Variants in PTPN9 observed in about 807,000 individuals in gnomAD.
PTPN9 encodes the protein tyrosine-protein phosphatase non-receptor type 9.
PTPN9 carries 26 observed loss-of-function variants against 69.8 expected under a neutral mutation model. The observed-to-expected ratio is 0.37, with a 90% CI of 0.27 to 0.52. PTPN9 has a LOEUF of 0.52. PTPN9 is among the 20% of genes least tolerant of loss of function. The pLI, the probability that PTPN9 is intolerant of heterozygous loss-of-function variation, is 0.91. For synonymous variants in PTPN9, 274 were observed against 272.5 expected (o/e 1.01, Z -0.05); for missense variants, 549 against 740.3 (o/e 0.74, Z 3.00).
intron 1 of PTPN9, among the ~76,000 whole-genome samples, chr15:75,543,757 T>C (rs1364576023): frequency 6.6e-6 from 1 of 152,178 alleles, no homozygotes; most frequent in Non-Finnish European, 1.5e-5. Context: ...TAAAACATAT[T>C]AGTTTTATAT....
At chr15:75,566,023 A>T (rs1326993644) in intron 1 of PTPN9, among the ~76,000 whole-genome samples, 2 of 152,198 alleles carry the variant, frequency 1.3e-5, no homozygotes, top group African/African-American at 4.8e-5. Context: ...TGAAAAAGAA[A>T]AGTTTCCTGT....
intron 9 of PTPN9, among the ~76,000 whole-genome samples, chr15:75,474,518 C>G (rs1006327468): frequency 1.5e-5 from 2 of 134,454 alleles, no homozygotes; most frequent in African/African-American, 5.5e-5. Flanking sequence ...GACTCTGTCT[C>G]AAAAAAAAAA....
intron 9 of PTPN9, among the ~76,000 whole-genome samples, chr15:75,475,714 A>C (rs1183350640): frequency 6.6e-6 from 1 of 152,134 alleles, no homozygotes; most frequent in African/African-American, 2.4e-5. Context: ...TGGTTCTACT[A>C]CCCTTATTGC....
intron 4 of PTPN9, among the ~76,000 whole-genome samples, chr15:75,518,361 C>T (rs1468001580): frequency 6.6e-6 from 1 of 150,826 alleles, no homozygotes; most frequent in East Asian, 2.0e-4. Flanking sequence ...GGCGCAGTGG[C>T]TCACGCCTGT....
At chr15:75,536,740 A>C (rs1233943548) in intron 1 of PTPN9, among the ~76,000 whole-genome samples, 1 of 152,166 alleles carries the variant, frequency 6.6e-6, no homozygotes, top group Non-Finnish European at 1.5e-5. Context: ...AAAAGATTCA[A>C]TAGAGATCTT....
intron 7 of PTPN9, among the ~76,000 whole-genome samples, chr15:75,500,409 C>T (rs1258419797): frequency 6.6e-6 from 1 of 151,988 alleles, no homozygotes; most frequent in Non-Finnish European, 1.5e-5. Context: ...TGTGGTGGCA[C>T]ACACCTGTAA....
intron 1 of PTPN9, among the ~76,000 whole-genome samples, chr15:75,563,033 A>G (rs1410059897): frequency 6.6e-6 from 1 of 152,098 alleles, no homozygotes; most frequent in African/African-American, 2.4e-5. Context: ...TTTGTTACCC[A>G]GGTAATAAGC....
In PTPN9 at chr15:75,579,132, G is replaced by A. The variant is rs1008998708; in HGVS notation, c.-356C>T. 1 of 156,664 alleles carries A rather than the reference G, an allele frequency of 6.4e-6. No homozygotes were observed. The highest frequency in any genetic ancestry group is 2.4e-5 in the African/African-American group (1 of 41,770). The allele number at this position is 156,664 out of a possible 1,614,324, so 9.7% of individuals were successfully genotyped here. ...GAACTTTTAGAGCCGGGAGCGAAGG[G>A]TCGGCGGAAATTTCCCGAAGGCCGC... On this transcript the variant is annotated 5_prime_UTR_variant, in exon 1 of 13. Transcript: ENST00000618819.
At chr15:75,545,931 G>C (rs1400283498) in intron 1 of PTPN9, among the ~76,000 whole-genome samples, 1 of 152,198 alleles carries the variant, frequency 6.6e-6, no homozygotes, top group East Asian at 1.9e-4. Flanking sequence ...CTGGGTGACA[G>C]AGCAAGATTC....
At chr15:75,537,262 G>A (rs2074986166) in intron 1 of PTPN9, among the ~76,000 whole-genome samples, 1 of 145,094 alleles carries the variant, frequency 6.9e-6, no homozygotes, top group Non-Finnish European at 1.5e-5. Flanking sequence ...TGAGGCAAGA[G>A]AATTGCTTGA....
intron 9 of PTPN9, among the ~76,000 whole-genome samples, chr15:75,476,065 C>T (rs1458685024): frequency 1.3e-5 from 2 of 152,070 alleles, no homozygotes; most frequent in African/African-American, 4.8e-5. Context: ...CCTGTGTGTG[C>T]CTGGAGAGGC....
chr15:75,559,955 C>T (rs964857176), intron 1 of PTPN9, among the ~76,000 whole-genome samples: 2 of 152,022 alleles, frequency 1.3e-5, no homozygotes, highest in African/African-American at 4.8e-5. Context: ...GCCTGGCCAA[C>T]ATGGTGAAAC....
At chr15:75,564,337 G>C (rs975966092) in intron 1 of PTPN9, among the ~76,000 whole-genome samples, 8 of 152,168 alleles carry the variant, frequency 5.3e-5, no homozygotes, top group Admixed American at 3.3e-4. Context: ...GCTCACGCCT[G>C]TAATCCCAGC....
At chr15:75,573,263 C>T (rs998793674) in intron 1 of PTPN9, among the ~76,000 whole-genome samples, 3 of 152,088 alleles carry the variant, frequency 2.0e-5, no homozygotes, top group African/African-American at 7.2e-5. Flanking sequence ...TTGGGAGGGA[C>T]GATTAATTGC....
intron 7 of PTPN9, among the ~76,000 whole-genome samples, chr15:75,501,432 CTT>C (rs370267107): frequency 8.0e-6 from 1 of 125,386 alleles, no homozygotes. Flanking sequence ...CATTTTCTTT[CTT>C]TTTTTTTTTT....
At chr15:75,484,811 G>A (rs2074664575) in intron 8 of PTPN9, among the ~76,000 whole-genome samples, 1 of 152,104 alleles carries the variant, frequency 6.6e-6, no homozygotes, top group Non-Finnish European at 1.5e-5. Context: ...TTCTCCTGTG[G>A]GTCCTATCAC....
intron 1 of PTPN9, among the ~76,000 whole-genome samples, chr15:75,572,207 C>T (rs903213263): frequency 6.6e-6 from 1 of 152,118 alleles, no homozygotes; most frequent in Non-Finnish European, 1.5e-5. Flanking sequence ...TGGCAGGTGC[C>T]TGTAATCCCA....
intron 1 of PTPN9, among the ~76,000 whole-genome samples, chr15:75,557,096 T>C (rs375137629): frequency 2.6e-4 from 39 of 152,342 alleles, no homozygotes; most frequent in African/African-American, 9.4e-4. Flanking sequence ...CTTCTGTTGA[T>C]GGACACTTGG....
At chr15:75,527,454 A>G (rs2074934605) in intron 1 of PTPN9, among the ~76,000 whole-genome samples, 193 bp from the exon 2 acceptor site, 1 of 152,186 alleles carries the variant, frequency 6.6e-6, no homozygotes, top group African/African-American at 2.4e-5. Flanking sequence ...GTATAATTCA[A>G]TGAGGCCAGA....
Sources: allele counts gnomAD v4.1 joint callset (sites outside exome capture counted in the v4.1 genomes callset), GRCh38; gene constraint gnomAD v4.1.1; transcripts MANE v1.5; gene names NCBI Gene and HGNC (gene_info 2026-07-23, HGNC 2026-07-21).